Variants in PCMT1 observed in about 807,000 individuals in gnomAD.
PCMT1 encodes the protein protein-L-isoaspartate(D-aspartate) O-methyltransferase.
Under a neutral mutation model 29.2 loss-of-function variants are expected in PCMT1, and 9 were observed. The observed-to-expected ratio is 0.31, with a 90% CI of 0.19 to 0.54. The LOEUF (loss-of-function observed/expected upper bound fraction) is 0.54, where lower values mean the gene tolerates loss of function less well. Ranked by LOEUF, PCMT1 falls within the 20% of genes least tolerant of loss-of-function variation. The pLI, the probability that PCMT1 is intolerant of heterozygous loss-of-function variation, is 0.95. For missense variants in PCMT1, 184 were observed against 282.2 expected, an observed-to-expected ratio of 0.65 and a Z score of 2.49; for synonymous variants, 98 against 97.5, an observed-to-expected ratio of 1.00 and a Z score of -0.03.
chr6:149,770,795 A>G (rs1480248076), intron 1 of PCMT1, among the ~76,000 whole-genome samples: 1 of 151,018 alleles, frequency 6.6e-6, no homozygotes, highest in East Asian at 1.9e-4. Flanking sequence ...CAAGGTCAGG[A>G]GATCGAGACC....
At chr6:149,761,257 ATGTGTG>A (rs75507681) in intron 1 of PCMT1, among the ~76,000 whole-genome samples, 35 of 146,978 alleles carry the variant, frequency 2.4e-4, no homozygotes, top group African/African-American at 6.0e-4. Context: ...TGTAAGGGTG[ATGTGTG>A]TGTGTGTGTG....
rs1491489659 is a variant in PCMT1 at position 149,762,861 on chromosome 6, A to ATATATATGT, written c.56-8294_56-8293insGTTATATAT. Among the ~76,000 whole-genome samples, 2 of 54,090 alleles carry ATATATATGT rather than the reference A, an allele frequency of 3.7e-5. 1 individual carries two copies. The highest frequency in any genetic ancestry group is 5.1e-5 in the Non-Finnish European group (2 of 39,580). The allele number at this position is 54,090 out of a possible 152,430, so 35.5% of individuals were successfully genotyped here. Reference sequence around the variant, plus strand: ...TATATATCTATGATATATATCTATGATATATATATCTATGATATATATGTT... The same window carrying ATATATATGT: ...TATATATCTATGATATATATCTATGATATATATGTTATATATATCTATGATATATATGTT... On this transcript the variant is annotated intron_variant, in intron 1 of 7. Transcript: ENST00000464889.
intron 1 of PCMT1, among the ~76,000 whole-genome samples, chr6:149,756,039 C>A (rs1184760462): frequency 2.0e-5 from 3 of 152,146 alleles, no homozygotes; most frequent in African/African-American, 7.2e-5. Context: ...AAGGATCCAA[C>A]ACCAAGGTTT....
intron 3 of PCMT1, among the ~76,000 whole-genome samples, chr6:149,787,676 A>G (rs1483719987): frequency 2.6e-5 from 4 of 151,546 alleles, no homozygotes; most frequent in African/African-American, 9.7e-5. Context: ...ATGTTTTTAA[A>G]TCTTTGACAT....
At chr6:149,756,533 T>C (rs1302254736) in intron 1 of PCMT1, among the ~76,000 whole-genome samples, 1 of 143,064 alleles carries the variant, frequency 7.0e-6, no homozygotes, top group East Asian at 2.0e-4. Flanking sequence ...TTTTTTTTTT[T>C]TTTTTTTTTT....
chr6:149,769,089 A>C (rs1361464237), intron 1 of PCMT1, among the ~76,000 whole-genome samples: 1 of 152,094 alleles, frequency 6.6e-6, no homozygotes, highest in Non-Finnish European at 1.5e-5. Context: ...TTCTTTAATC[A>C]GCAGAAATGT....
intron 1 of PCMT1, among the ~76,000 whole-genome samples, chr6:149,760,029 C>T (rs912298912): frequency 2.0e-5 from 3 of 152,184 alleles, no homozygotes; most frequent in African/African-American, 7.2e-5. Context: ...TTACGAGTAA[C>T]ATACCTGGTG....
At chr6:149,761,715 C>A (rs1013204920) in intron 1 of PCMT1, among the ~76,000 whole-genome samples, 1 of 152,174 alleles carries the variant, frequency 6.6e-6, no homozygotes, top group Non-Finnish European at 1.5e-5. Context: ...TACCTCTTAA[C>A]CCATCTACTT....
intron 3 of PCMT1, among the ~76,000 whole-genome samples, chr6:149,786,058 C>T (rs1354192310): frequency 6.8e-5 from 10 of 147,118 alleles, no homozygotes; most frequent in East Asian, 2.1e-4. Flanking sequence ...ACCTCCCTCC[C>T]GGACGGGGTG....
At chr6:149,770,523 A>G (rs898022327) in intron 1 of PCMT1, among the ~76,000 whole-genome samples, 3 of 151,942 alleles carry the variant, frequency 2.0e-5, no homozygotes, top group African/African-American at 7.3e-5. Flanking sequence ...TGGCTAACAC[A>G]GTGAAACCCC....
intron 6 of PCMT1, chr6:149,797,302 T>C (rs1788656062): frequency 6.6e-6 from 1 of 151,852 alleles, no homozygotes; most frequent in Non-Finnish European, 1.5e-5. Context: ...GGAAGGAAAA[T>C]AAAATATGCA....
intron 6 of PCMT1, chr6:149,797,566 C>A (rs1788666668): frequency 6.6e-6 from 1 of 152,208 alleles, no homozygotes; most frequent in African/African-American, 2.4e-5. Flanking sequence ...GTAGCCCCAG[C>A]TACTCTGGAG....
chr6:149,772,373 T>C (rs1356243772), intron 2 of PCMT1: 1 of 321,132 alleles, frequency 3.1e-6, no homozygotes, highest in East Asian at 8.2e-5. Flanking sequence ...TATTGGTCTT[T>C]TAAGCTACTT....
intron 1 of PCMT1, among the ~76,000 whole-genome samples, chr6:149,763,975 G>A (rs1458818851): frequency 6.6e-6 from 1 of 152,196 alleles, no homozygotes; most frequent in Non-Finnish European, 1.5e-5. Context: ...AGAGTGGTCT[G>A]AATGAGCTAG....
chr6:149,770,702 T>C (rs1787279063), intron 1 of PCMT1, among the ~76,000 whole-genome samples: 1 of 123,012 alleles, frequency 8.1e-6, no homozygotes, highest in Non-Finnish European at 1.6e-5. Flanking sequence ...CAAGACTCCA[T>C]CTCAAAAAAA....
At chr6:149,783,044 G>A in intron 3 of PCMT1, among the ~76,000 whole-genome samples, 1 of 152,038 alleles carries the variant, frequency 6.6e-6, no homozygotes, top group East Asian at 1.9e-4. Flanking sequence ...AATGAATTAG[G>A]CAAAGATTAT....
chr6:149,765,273 T>C (rs1450815198), intron 1 of PCMT1, among the ~76,000 whole-genome samples: 29 of 122,464 alleles, frequency 2.4e-4, no homozygotes, highest in South Asian at 5.3e-4. Flanking sequence ...GGCAGGAGAA[T>C]GGCGTGAACC....
chr6:149,786,439 G>A (rs1375323235), intron 3 of PCMT1, among the ~76,000 whole-genome samples: 3 of 144,756 alleles, frequency 2.1e-5, no homozygotes, highest in African/African-American at 5.3e-5. Context: ...CCTCCCGGAC[G>A]GGGTGGCTGC....
intron 4 of PCMT1, 121 bp from the exon 5 acceptor site, chr6:149,793,428 G>A: frequency 1.4e-6 from 1 of 729,952 alleles, no homozygotes; most frequent in Non-Finnish European, 2.0e-6. Context: ...ATCTATAGAA[G>A]CCTTAAGCTA....
Sources: allele counts gnomAD v4.1 joint callset (sites outside exome capture counted in the v4.1 genomes callset), GRCh38; gene constraint gnomAD v4.1.1; transcripts MANE v1.5; gene names NCBI Gene and HGNC (gene_info 2026-07-23, HGNC 2026-07-21).